PLCL1: variants seen among roughly 807,000 people sequenced by gnomAD.
PLCL1 encodes inactive phospholipase C-like protein 1.
A neutral mutation model predicts 84.4 loss-of-function variants in PLCL1; 41 were observed. The ratio of observed to expected loss-of-function variants is 0.49; its 90% confidence interval spans 0.38 to 0.63. The LOEUF is 0.63. Among genes scored for constraint, PLCL1 ranks in the 30% least tolerant of loss-of-function variants. The pLI, the probability that PLCL1 is intolerant of heterozygous loss-of-function variation, is 0.00. For missense variants in PLCL1, 1,206 were observed against 1,367.8 expected (o/e 0.88, Z 1.87); for synonymous variants, 490 against 488.3 (o/e 1.00, Z -0.05).
rs1281445434 is a variant in PLCL1, at chr2:198,077,344, T to A, written c.241-6414T>A. Among the ~76,000 whole-genome samples the A allele has an allele frequency of 2.0e-5, 3 of 151,980 alleles. No individual in the cohort carries two copies. In the East Asian group the frequency reaches 5.8e-4, roughly 29 times the overall value. The stretch of plus-strand genomic sequence containing the variant: ...AAACTTAAAGTATAATAATAAAAAA[T>A]AATAATAATTTAAAAAAAAAGGAAC... On this transcript the variant is annotated intron_variant, in intron 1 of 5. Coordinates refer to ENST00000428675, the MANE Select transcript of PLCL1 (RefSeq NM_006226.4).
intron 1 of PLCL1, among the ~76,000 whole-genome samples, chr2:198,000,243 G>A (rs1186122321): frequency 6.6e-6 from 1 of 152,078 alleles, no homozygotes; most frequent in Non-Finnish European, 1.5e-5. Flanking sequence ...ACCTGTGAGT[G>A]CAAAAATGTC....
chr2:197,822,612 A>G (rs1022238781), intron 1 of PLCL1, among the ~76,000 whole-genome samples: 3 of 152,116 alleles, frequency 2.0e-5, no homozygotes, highest in Admixed American at 6.6e-5. Flanking sequence ...GGGACTGTCT[A>G]CCCCATTTCA....
intron 1 of PLCL1, among the ~76,000 whole-genome samples, chr2:197,908,142 A>G (rs1333705710): frequency 6.6e-6 from 1 of 152,228 alleles, no homozygotes; most frequent in Admixed American, 6.5e-5. Context: ...TTACTGAGAT[A>G]GCAAAAATAG....
intron 1 of PLCL1, among the ~76,000 whole-genome samples, chr2:197,903,646 G>A (rs1298358860): frequency 1.4e-4 from 13 of 93,808 alleles, no homozygotes; most frequent in Non-Finnish European, 2.0e-5. Flanking sequence ...ACCACGCCCA[G>A]CTATTTTTTT....
Position 198,002,883 on chromosome 2 carries a change from C to T in PLCL1, c.241-80875C>T, listed in dbSNP as rs187465904. Among the ~76,000 whole-genome samples, 169 of 152,238 alleles carry T rather than the reference C, an allele frequency of 1.1e-3. 1 individual carries two copies. The highest frequency in any genetic ancestry group is 1.4e-3 in the Non-Finnish European group (95 of 68,008). The stretch of plus-strand genomic sequence containing the variant: ...CTGTTTTGTTTGGTTGCTCTTCTAC[C>T]ATGCACTTTGTTAAACATTTGGTCA... On this transcript the variant is annotated intron_variant, in intron 1 of 5. Transcript: ENST00000428675.
intron 1 of PLCL1, among the ~76,000 whole-genome samples, chr2:197,827,734 A>C (rs767156776): frequency 2.0e-5 from 3 of 152,154 alleles, no homozygotes; most frequent in Admixed American, 6.6e-5. Context: ...AAAAGTTGCC[A>C]GATATTCGCT....
chr2:197,844,269 T>C (rs1687074307), intron 1 of PLCL1, among the ~76,000 whole-genome samples: 1 of 152,104 alleles, frequency 6.6e-6, no homozygotes, highest in Admixed American at 6.6e-5. Flanking sequence ...GCACACCTTC[T>C]CCCAGTTGCT....
chr2:197,834,626 G>C (rs531770410), intron 1 of PLCL1, among the ~76,000 whole-genome samples: 1 of 152,158 alleles, frequency 6.6e-6, no homozygotes, highest in Admixed American at 6.5e-5. Flanking sequence ...TTAGAATGGC[G>C]ATCATTAAAA....
At chr2:197,994,234 C>T (rs1040675026) in intron 1 of PLCL1, among the ~76,000 whole-genome samples, 4 of 152,150 alleles carry the variant, frequency 2.6e-5, no homozygotes, top group African/African-American at 7.2e-5. Flanking sequence ...CTTTTATGCC[C>T]TCAGTAGAGA....
intron 3 of PLCL1, among the ~76,000 whole-genome samples, chr2:198,094,492 G>A (rs544115034): frequency 7.1e-5 from 10 of 139,952 alleles, no homozygotes; most frequent in African/African-American, 1.0e-4. Context: ...CAGAAGAAAG[G>A]GAAGGCACAC....
chr2:198,036,177 C>T (rs940983847), intron 1 of PLCL1, among the ~76,000 whole-genome samples: 1 of 152,206 alleles, frequency 6.6e-6, no homozygotes, highest in Non-Finnish European at 1.5e-5. Context: ...TCCTCCCTAT[C>T]CATTCAGTGC....
chr2:198,034,797 T>A (rs1691517128), intron 1 of PLCL1, among the ~76,000 whole-genome samples: 1 of 152,246 alleles, frequency 6.6e-6, no homozygotes, highest in South Asian at 2.1e-4. Context: ...CATGTTGTGT[T>A]GTGCTGTCAT....
chr2:197,806,623 G>A (rs1690491025), intron 1 of PLCL1, among the ~76,000 whole-genome samples: 1 of 152,186 alleles, frequency 6.6e-6, no homozygotes, highest in African/African-American at 2.4e-5. Context: ...TGTAACAGGA[G>A]TGTTCTATTC....
chr2:197,826,087 A>G (rs550869724), intron 1 of PLCL1, among the ~76,000 whole-genome samples: 135 of 152,296 alleles, frequency 8.9e-4, no homozygotes, highest in African/African-American at 3.2e-3. Context: ...GAGGCTTTTC[A>G]CTGAGCCTCA....
intron 1 of PLCL1, among the ~76,000 whole-genome samples, chr2:197,884,159 G>A (rs563142705): frequency 6.6e-6 from 1 of 152,314 alleles, no homozygotes; most frequent in Non-Finnish European, 1.5e-5. Context: ...CTTAAAAGAA[G>A]TCCAGAGATA....
chr2:197,939,884 G>A (rs766989296), intron 1 of PLCL1, among the ~76,000 whole-genome samples: 204 of 152,104 alleles, frequency 1.3e-3, no homozygotes, highest in African/African-American at 4.3e-3. Flanking sequence ...ACCTGGCTGC[G>A]TTAGAATCAC....
chr2:197,864,968 AC>A (rs886367612), intron 1 of PLCL1, among the ~76,000 whole-genome samples: 2 of 152,030 alleles, frequency 1.3e-5, no homozygotes, highest in Non-Finnish European at 2.9e-5. Flanking sequence ...TTTATATTAA[AC>A]CCTTTTATTT....
At chr2:197,886,411 CA>C (rs61183744) in intron 1 of PLCL1, among the ~76,000 whole-genome samples, 3 of 77,084 alleles carry the variant, frequency 3.9e-5, no homozygotes, top group Non-Finnish European at 5.3e-5. Context: ...GACTCTGTCT[CA>C]AAAAAAAAAA....
At chr2:197,948,185 G>A (rs1689319623) in intron 1 of PLCL1, among the ~76,000 whole-genome samples, 1 of 152,166 alleles carries the variant, frequency 6.6e-6, no homozygotes, top group Non-Finnish European at 1.5e-5. Context: ...GAGGATATGA[G>A]CAGTGAGAGA....
Sources: gnomAD v4.1 joint callset for allele counts (sites outside exome capture counted in the v4.1 genomes callset) on GRCh38, gnomAD v4.1.1 for gene constraint, MANE v1.5 for transcripts, NCBI Gene and HGNC (gene_info 2026-07-23, HGNC 2026-07-21) for gene names.